The following PRELID2 variants were observed in gnomAD, a reference collection of about 807,000 sequenced individuals.
The protein encoded by PRELID2 is PRELI domain containing 2.
In PRELID2, 25 loss-of-function variants were observed where a neutral mutation model predicts 28.4. The ratio of observed to expected loss-of-function variants is 0.88; its 90% CI spans 0.64 to 1.23. The LOEUF (loss-of-function observed/expected upper bound fraction) is 1.23, where lower values mean the gene tolerates loss of function less well. Ranked by LOEUF, PRELID2 falls within the 50% of genes most tolerant of loss-of-function variation. The probability of loss-of-function intolerance (pLI) is 0.00; values close to 1 mark genes in which losing one functional copy is unlikely to be tolerated. For synonymous variants in PRELID2, 76 were observed against 71.6 expected (o/e 1.06, Z -0.31); for missense variants, 201 against 214.4 (o/e 0.94, Z 0.39).
rs539247837 is a variant in PRELID2 at position 145,650,122 on chromosome 5, C to T, written n.70+114809G>A. ...AAGAACTAATCTATTTTTAATTCAC[C>T]GTCACTCCTAAGATCTGAAATGAAA... On this transcript the variant is annotated intron_variant and non_coding_transcript_variant, in intron 1 of 2. Transcript: ENST00000510259. Among the ~76,000 whole-genome samples, 346 of 152,168 alleles carry T rather than the reference C, an allele frequency of 2.3e-3. 2 individuals carry two copies. Among genetic ancestry groups the T allele is most frequent in the African/African-American group, 7.9e-3 (330 of 41,514 alleles).
intron 1 of PRELID2, among the ~76,000 whole-genome samples, chr5:145,628,680 C>G (rs1008750506): frequency 6.6e-6 from 1 of 152,068 alleles, no homozygotes; most frequent in African/African-American, 2.4e-5. Flanking sequence ...AGAAATAACC[C>G]CTTTATCACA....
chr5:145,445,196 G>T, the PRELID2 span, among the ~76,000 whole-genome samples: 12 of 152,086 alleles, frequency 7.9e-5, no homozygotes, highest in East Asian at 1.9e-4. Context: ...TAGACTAATG[G>T]AACAAAATAG....
chr5:145,521,714 G>A (rs766791139), intron 1 of PRELID2, among the ~76,000 whole-genome samples: 10 of 152,088 alleles, frequency 6.6e-5, no homozygotes, highest in Admixed American at 2.0e-4. Context: ...GCAGACCCAC[G>A]CACTGTGTAG....
chr5:145,646,806 G>A (rs1754204441), intron 1 of PRELID2, among the ~76,000 whole-genome samples: 1 of 152,214 alleles, frequency 6.6e-6, no homozygotes, highest in African/African-American at 2.4e-5. Flanking sequence ...GTTTGCTGGA[G>A]GTCCACTCCA....
the PRELID2 span, among the ~76,000 whole-genome samples, chr5:145,289,706 A>G: frequency 7.2e-5 from 11 of 152,300 alleles, no homozygotes; most frequent in Admixed American, 5.9e-4. Context: ...CTCATTTTGC[A>G]TCTGCACCAG....
the PRELID2 span, among the ~76,000 whole-genome samples, chr5:145,415,780 C>A: frequency 4.0e-4 from 61 of 152,050 alleles, no homozygotes; most frequent in Non-Finnish European, 7.2e-4. Flanking sequence ...ATTTATAGTC[C>A]TTTGGGTATA....
the PRELID2 span, among the ~76,000 whole-genome samples, chr5:145,259,761 TAATGCTAG>T: frequency 3.2e-4 from 48 of 152,304 alleles, 1 homozygote; most frequent in Non-Finnish European, 4.4e-4. Context: ...ACTTTTGAGT[TAATGCTAG>T]AATTATTTAG....
chr5:145,606,817 G>T (rs1480358450), intron 1 of PRELID2, among the ~76,000 whole-genome samples: 2 of 152,064 alleles, frequency 1.3e-5, no homozygotes, highest in East Asian at 3.9e-4. Flanking sequence ...AACCCTTTTG[G>T]AATAGTTTTA....
intron 1 of PRELID2, among the ~76,000 whole-genome samples, chr5:145,529,193 C>T (rs1404135800): frequency 6.6e-6 from 1 of 152,138 alleles, no homozygotes; most frequent in East Asian, 1.9e-4. Context: ...AATGCACATA[C>T]AAGAAAAATA....
intron 1 of PRELID2, among the ~76,000 whole-genome samples, chr5:145,705,639 C>T (rs903768707): frequency 6.6e-6 from 1 of 152,074 alleles, no homozygotes; most frequent in Admixed American, 6.5e-5. Context: ...CAAATACTTT[C>T]GGTAAAGAAT....
At chr5:145,629,443 C>T (rs756181400) in intron 1 of PRELID2, among the ~76,000 whole-genome samples, 11 of 152,106 alleles carry the variant, frequency 7.2e-5, no homozygotes, top group Non-Finnish European at 1.6e-4. Flanking sequence ...CCTTTGTGTA[C>T]GTATCACTGA....
chr5:145,491,961 T>G (rs1055402222), intron 1 of PRELID2, among the ~76,000 whole-genome samples: 1 of 152,206 alleles, frequency 6.6e-6, no homozygotes, highest in Non-Finnish European at 1.5e-5. Flanking sequence ...ACCCTTAGGT[T>G]GATTCCATGT....
At chr5:145,278,843 T>C in the PRELID2 span, among the ~76,000 whole-genome samples, 527 of 152,272 alleles carry the variant, frequency 3.5e-3, 1 homozygote, top group African/African-American at 0.012. Flanking sequence ...AGCAAAAGCC[T>C]GGACTGGTAA....
At chr5:145,669,138 G>A (rs1056961907) in intron 1 of PRELID2, among the ~76,000 whole-genome samples, 5 of 152,022 alleles carry the variant, frequency 3.3e-5, no homozygotes, top group Middle Eastern at 3.2e-3. Flanking sequence ...GAGAATTATC[G>A]TTAAACTAAT....
chr5:145,493,211 A>G (rs1752282408), intron 1 of PRELID2, among the ~76,000 whole-genome samples: 1 of 95,740 alleles, frequency 1.0e-5, no homozygotes, highest in African/African-American at 3.0e-5. Context: ...CTACTCCACC[A>G]TCTTGCTCCC....
At chr5:145,487,944 G>A (rs982714579) in intron 1 of PRELID2, among the ~76,000 whole-genome samples, 3 of 151,694 alleles carry the variant, frequency 2.0e-5, no homozygotes, top group African/African-American at 7.3e-5. Flanking sequence ...CTAACAGGGT[G>A]AAAACTCATC....
the PRELID2 span, among the ~76,000 whole-genome samples, chr5:145,363,866 C>G: frequency 6.6e-6 from 1 of 151,982 alleles, no homozygotes; most frequent in African/African-American, 2.4e-5. Flanking sequence ...TTTGGAGTAG[C>G]TGCACATACC....
intron 1 of PRELID2, 74 bp downstream of exon 1, chr5:145,835,103 G>T: frequency 9.6e-7 from 1 of 1,038,794 alleles, no homozygotes; most frequent in Non-Finnish European, 1.4e-6. Flanking sequence ...CAGCTTCCGC[G>T]TGGATGAAGG....
chr5:145,484,585 T>C (rs1368202919), intron 1 of PRELID2, among the ~76,000 whole-genome samples: 1 of 141,236 alleles, frequency 7.1e-6, no homozygotes, highest in African/African-American at 2.6e-5. Context: ...AGCATTTCAT[T>C]GGCTCATTTT....
Sources: gnomAD v4.1 joint callset for allele counts (sites outside exome capture counted in the v4.1 genomes callset) on GRCh38, gnomAD v4.1.1 for gene constraint, MANE v1.5 for transcripts, NCBI Gene and HGNC (gene_info 2026-07-23, HGNC 2026-07-21) for gene names.